The following ATRNL1 variants were observed in gnomAD, a reference collection of about 807,000 sequenced individuals.
ATRNL1 encodes attractin-like protein 1.
Under a neutral mutation model 182.7 loss-of-function variants are expected in ATRNL1, and 95 were observed. The ratio of observed to expected loss-of-function variants is 0.52; its 90% CI spans 0.44 to 0.62. ATRNL1 has a LOEUF of 0.62. Ranked by LOEUF, ATRNL1 falls within the 20% of genes least tolerant of loss-of-function variation. The probability of loss-of-function intolerance (pLI) is 0.00; values close to 1 mark genes in which losing one functional copy is unlikely to be tolerated. For missense variants in ATRNL1, 1,471 were observed against 1,679.5 expected (o/e 0.88, Z 2.17); for synonymous variants, 576 against 568.3 (o/e 1.01, Z -0.19).
chr10:115,804,431 T>C (rs1301725776), intron 27 of ATRNL1, among the ~76,000 whole-genome samples: 6 of 152,074 alleles, frequency 3.9e-5, no homozygotes, highest in African/African-American at 1.4e-4. Context: ...ATGGCATTAG[T>C]GCCCTTACTA....
At chr10:115,540,589 A>C (rs1852297221) in intron 25 of ATRNL1, among the ~76,000 whole-genome samples, 1 of 151,892 alleles carries the variant, frequency 6.6e-6, no homozygotes, top group East Asian at 1.9e-4. Flanking sequence ...GTGAAACCCC[A>C]TCTCTACTAA....
intron 26 of ATRNL1, among the ~76,000 whole-genome samples, chr10:115,601,701 T>G (rs1426421820): frequency 4.6e-5 from 7 of 152,218 alleles, no homozygotes; most frequent in Non-Finnish European, 1.0e-4. Flanking sequence ...TTATGCTTAA[T>G]ATTTGCACAA....
intron 26 of ATRNL1, among the ~76,000 whole-genome samples, chr10:115,646,996 C>T (rs1293914237): frequency 1.9e-4 from 28 of 145,184 alleles, no homozygotes; most frequent in Non-Finnish European, 1.1e-4. Context: ...GTTCCCCACC[C>T]TGTGTCCAAG....
intron 19 of ATRNL1, among the ~76,000 whole-genome samples, chr10:115,372,435 C>A (rs1165465254): frequency 6.6e-6 from 1 of 152,046 alleles, no homozygotes; most frequent in African/African-American, 2.4e-5. Flanking sequence ...GCTTTTGGGA[C>A]CATGTTCAAA....
chr10:115,475,017 A>C (rs185948287), intron 24 of ATRNL1, among the ~76,000 whole-genome samples: 1 of 151,246 alleles, frequency 6.6e-6, no homozygotes, highest in African/African-American at 2.4e-5. Flanking sequence ...AAACAACACC[A>C]CCAAAATCAC....
intron 1 of ATRNL1, among the ~76,000 whole-genome samples, chr10:115,103,968 A>C (rs1032958827): frequency 6.6e-6 from 1 of 152,164 alleles, no homozygotes; most frequent in Non-Finnish European, 1.5e-5. Context: ...GTTGCTTCCA[A>C]ATTTTGGCTG....
At chr10:115,207,016 A>G (rs1422433645) in intron 8 of ATRNL1, among the ~76,000 whole-genome samples, 1 of 152,006 alleles carries the variant, frequency 6.6e-6, no homozygotes, top group Non-Finnish European at 1.5e-5. Context: ...AAGGACATGA[A>G]CTCATCCTTT....
intron 24 of ATRNL1, among the ~76,000 whole-genome samples, chr10:115,469,590 GT>G (rs1848211193): frequency 6.6e-6 from 1 of 150,568 alleles, no homozygotes; most frequent in African/African-American, 2.4e-5. Context: ...AAATGTTTTG[GT>G]TTTCTGATTA....
At chr10:115,925,066 A>G (rs997370491) in intron 28 of ATRNL1, among the ~76,000 whole-genome samples, 9 of 152,134 alleles carry the variant, frequency 5.9e-5, no homozygotes, top group African/African-American at 2.2e-4. Context: ...GTTGGTGTAA[A>G]GGAATGCTTG....
intron 28 of ATRNL1, among the ~76,000 whole-genome samples, chr10:115,919,601 T>C (rs546337194): frequency 1.3e-5 from 2 of 152,312 alleles, no homozygotes; most frequent in African/African-American, 4.8e-5. Flanking sequence ...ACTGAATGTG[T>C]ATATATAATT....
Position 115,707,565 on chromosome 10 carries a change from A to G in ATRNL1, c.3796-19683A>G, listed in dbSNP as rs559435417. 9.9e-5 allele frequency among the ~76,000 whole-genome samples: 15 copies of G among 151,864 alleles called. No homozygotes were observed. The South Asian group carries it at 3.1e-3, about 31-fold the overall frequency. Reference sequence around the variant, plus strand: ...ATTCCAAATCTTATTTGTATTTTAAATATATGTGTGATTATATATGTATGT... The same window carrying G: ...ATTCCAAATCTTATTTGTATTTTAAGTATATGTGTGATTATATATGTATGT... On this transcript the variant is annotated intron_variant, in intron 26 of 28. Transcript: ENST00000355044.
chr10:115,364,574 G>C (rs1228557430), intron 19 of ATRNL1, among the ~76,000 whole-genome samples: 2 of 148,332 alleles, frequency 1.3e-5, no homozygotes, highest in Admixed American at 1.3e-4. Context: ...GGAGTGGTGA[G>C]AGAGGGCATC....
In ATRNL1 at chr10:115,946,407, A is replaced by G. The variant is rs1555125770; in HGVS notation, c.*1628A>G. On this transcript the variant is annotated 3_prime_UTR_variant, in exon 29 of 29. Transcript: ENST00000355044. ...TCATATATAAGAGGAATGATCATAC[A>G]ATATGTAGTTGCATCTTATATAAGA... 1 of 152,188 alleles carries G rather than the reference A, an allele frequency of 6.6e-6. No homozygotes were observed. The highest frequency in any genetic ancestry group is 2.4e-5 in the African/African-American group (1 of 41,462). The allele number at this position is 152,188 out of a possible 1,614,324, so 9.4% of individuals were successfully genotyped here. A position where few individuals can be genotyped will look rare whatever the true frequency, so the allele number is the denominator to read the frequency against.
intron 28 of ATRNL1, among the ~76,000 whole-genome samples, chr10:115,848,298 A>G (rs1314968509): frequency 6.6e-6 from 1 of 152,178 alleles, no homozygotes; most frequent in Non-Finnish European, 1.5e-5. Flanking sequence ...TAGAAGGGCC[A>G]CCATGTTCTA....
At chr10:115,626,919 T>C (rs1330620724) in intron 26 of ATRNL1, among the ~76,000 whole-genome samples, 5 of 152,304 alleles carry the variant, frequency 3.3e-5, no homozygotes, top group Admixed American at 2.6e-4. Flanking sequence ...CATATGTATT[T>C]CTATCTCCTA....
At chr10:115,210,325 C>G (rs781536575) in intron 8 of ATRNL1, among the ~76,000 whole-genome samples, 11 of 151,806 alleles carry the variant, frequency 7.2e-5, no homozygotes, top group Non-Finnish European at 1.5e-4. Flanking sequence ...CTTAGAAATT[C>G]CCAGTTTTAT....
chr10:115,774,425 C>CA (rs56048429), intron 27 of ATRNL1, among the ~76,000 whole-genome samples: 3 of 69,370 alleles, frequency 4.3e-5, no homozygotes, highest in African/African-American at 1.6e-4. Flanking sequence ...GACTCCATCT[C>CA]AAAAAAAAAA....
intron 21 of ATRNL1, among the ~76,000 whole-genome samples, chr10:115,431,445 T>TTTC (rs1846161048): frequency 6.6e-6 from 1 of 151,092 alleles, no homozygotes; most frequent in Non-Finnish European, 1.5e-5. Context: ...AATATTCCAA[T>TTTC]TTCTTCTTCA....
chr10:115,831,767 G>GTCTT (rs5788116), intron 27 of ATRNL1, among the ~76,000 whole-genome samples: 107,088 of 136,406 alleles, frequency 0.79, 39,492 homozygotes, highest in East Asian at 0.95. Flanking sequence ...AGTCAAGTGA[G>GTCTT]TTTTTTTTTT....
Sources: allele counts gnomAD v4.1 joint callset (sites outside exome capture counted in the v4.1 genomes callset), GRCh38; gene constraint gnomAD v4.1.1; transcripts MANE v1.5; gene names NCBI Gene and HGNC (gene_info 2026-07-23, HGNC 2026-07-21).